RAF1: variants seen among roughly 807,000 people sequenced by gnomAD.
RAF1 encodes Raf-1 proto-oncogene, serine/threonine kinase.
Under a neutral mutation model 81.1 loss-of-function variants are expected in RAF1, and 27 were observed. The observed-to-expected ratio is 0.33, with a 90% CI of 0.25 to 0.46. The LOEUF is 0.46. Ranked by LOEUF, RAF1 falls within the 20% of genes least tolerant of loss-of-function variation. RAF1 has a pLI of 1.00. For missense variants in RAF1, 598 were observed against 826.0 expected, an observed-to-expected ratio of 0.72 and a Z score of 3.38; for synonymous variants, 298 against 294.0, an observed-to-expected ratio of 1.01 and a Z score of -0.14.
intron 1 of RAF1, among the ~76,000 whole-genome samples, chr3:12,622,033 AAG>A (rs2059570397): frequency 1.3e-5 from 2 of 152,164 alleles, no homozygotes; most frequent in African/African-American, 2.4e-5. Context: ...TTATTTCTGT[AAG>A]AGGGGATGAC....
chr3:12,599,925 A>C (rs1384111682), intron 10 of RAF1, 117 bp from the exon 10 acceptor site: 1 of 1,195,192 alleles, frequency 8.4e-7, no homozygotes, highest in African/African-American at 1.5e-5. Flanking sequence ...AGATAAACAT[A>C]TTAACCATAC....
Position 12,590,872 on chromosome 3 carries a change from G to A in RAF1, c.1356C>T (p.His452=), listed in dbSNP as rs2058492335. Residue 452 remains histidine, a synonymous_variant, in exon 13 of 18, where the codon CAC becomes CAT. Transcript: ENST00000442415. ...GAAACTTGGTCTCCTGGACATGCAG[G>A]TGTTTGTAGAGGCTGCTGCCCTCGC... 5 of 1,613,682 alleles carry A rather than the reference G, an allele frequency of 3.1e-6. No individual in the cohort carries two copies. The highest frequency in any genetic ancestry group is 2.2e-5 in the East Asian group (1 of 44,880).
intron 1 of RAF1, among the ~76,000 whole-genome samples, chr3:12,638,804 G>A (rs758379556): frequency 6.6e-6 from 1 of 152,188 alleles, no homozygotes; most frequent in Non-Finnish European, 1.5e-5. Context: ...GGGAGGCTGA[G>A]ATGGGCGGAT....
At chr3:12,599,997 C>G (rs939050384) in intron 10 of RAF1, among the ~76,000 whole-genome samples, 155 bp downstream of exon 9, 1 of 152,188 alleles carries the variant, frequency 6.6e-6, no homozygotes, top group Non-Finnish European at 1.5e-5. Flanking sequence ...CTGTCTGATG[C>G]AAGTGTGCCA....
At chr3:12,617,146 C>G (rs1212460063) in intron 2 of RAF1, among the ~76,000 whole-genome samples, 1 of 151,836 alleles carries the variant, frequency 6.6e-6, no homozygotes, top group Non-Finnish European at 1.5e-5. Context: ...ATAGTCTCAC[C>G]CTTTCGCCCA....
chr3:12,619,690 AT>A (rs1427902811), intron 1 of RAF1, among the ~76,000 whole-genome samples: 1 of 152,190 alleles, frequency 6.6e-6, no homozygotes, highest in Non-Finnish European at 1.5e-5. Context: ...TGAGCAACAC[AT>A]TAGTACTATG....
chr3:12,608,450 C>T (rs2125415285), intron 5 of RAF1: 1 of 376,014 alleles, frequency 2.7e-6, no homozygotes, highest in South Asian at 2.5e-5. Context: ...GTAGATAATA[C>T]TATTAAGAGC....
At position 12,613,403 on chromosome 3, in the gene RAF1, G is replaced by A. The variant is rs774061891; in HGVS notation, c.208-1341C>T. Among the ~76,000 whole-genome samples the A allele has an allele frequency of 7.9e-5, 12 of 151,978 alleles. No individual in the cohort carries two copies. In the East Asian group the frequency reaches 1.2e-3, roughly 15 times the overall value. ...AACAGCTGACAGCAGCCAGCCAACCGCTCCCCCACCCCGCCATCCCCCCCC... is the reference window on the plus strand; with the variant it reads ...AACAGCTGACAGCAGCCAGCCAACCACTCCCCCACCCCGCCATCCCCCCCC... On this transcript the variant is annotated intron_variant, in intron 2 of 17. Transcript: ENST00000442415.
intron 1 of RAF1, among the ~76,000 whole-genome samples, chr3:12,640,984 C>T (rs1267699046): frequency 2.0e-5 from 3 of 151,992 alleles, no homozygotes; most frequent in Admixed American, 2.0e-4. Flanking sequence ...CAATGACAGA[C>T]TGGATTAAGA....
chr3:12,603,326 A>T (rs985323489), intron 8 of RAF1, among the ~76,000 whole-genome samples: 6 of 152,220 alleles, frequency 3.9e-5, no homozygotes, highest in Admixed American at 1.3e-4. Flanking sequence ...AAAAAATTTT[A>T]AAAAGAAAGA....
rs1280521809 is a variant in RAF1, at chr3:12,618,686, G to A, written c.36C>T (p.Ser12=). 1 of 1,614,198 alleles carries A rather than the reference G, an allele frequency of 6.2e-7. No homozygotes were observed. Among genetic ancestry groups the A allele is most frequent in the Non-Finnish European group, 8.5e-7 (1 of 1,180,048 alleles). Reference sequence around the variant, plus strand: ...CGGCATCTTTGAATCCAAAACCATTGCTGATCGTCTTCCAAGCTCCCTGTA... The same window carrying A: ...CGGCATCTTTGAATCCAAAACCATTACTGATCGTCTTCCAAGCTCCCTGTA... Residue 12 remains serine (S), a synonymous_variant, in exon 2 of 18, where the codon AGC becomes AGT. Coordinates refer to ENST00000442415, the MANE Select transcript of RAF1 (RefSeq NM_001354689.3).
At chr3:12,633,674 G>A (rs1178499825) in intron 1 of RAF1, among the ~76,000 whole-genome samples, 5 of 150,534 alleles carry the variant, frequency 3.3e-5, no homozygotes, top group African/African-American at 4.9e-5. Context: ...AGTGGCTCAC[G>A]CCTGTAATCC....
intron 11 of RAF1, among the ~76,000 whole-genome samples, chr3:12,593,471 T>C (rs76521226): frequency 1.3e-3 from 190 of 150,028 alleles, no homozygotes; most frequent in African/African-American, 4.1e-3. Context: ...GGTTTTATCA[T>C]CTAAAGTTTC....
intron 3 of RAF1, 84 bp downstream of exon 3, chr3:12,611,866 A>G: frequency 1.1e-6 from 1 of 926,966 alleles, no homozygotes. Flanking sequence ...ATAGGAAGCT[A>G]GTACAATTTA....
chr3:12,659,427 C>CAAACAAAAAAAA (rs2060805331), intron 1 of RAF1, among the ~76,000 whole-genome samples: 1 of 47,682 alleles, frequency 2.1e-5, no homozygotes, highest in Non-Finnish European at 3.5e-5. Context: ...GATTTCATCT[C>CAAACAAAAAAAA]AAAAAAAAAA....
chr3:12,612,521 C>T (rs1331394150), intron 2 of RAF1, among the ~76,000 whole-genome samples: 2 of 151,766 alleles, frequency 1.3e-5, no homozygotes, highest in South Asian at 2.1e-4. Context: ...TGGTGGTGGA[C>T]GCCTGTAATC....
At chr3:12,605,031 C>G (rs998993997) in intron 6 of RAF1, among the ~76,000 whole-genome samples, 1 of 152,158 alleles carries the variant, frequency 6.6e-6, no homozygotes, top group Non-Finnish European at 1.5e-5. Context: ...AAAATGCCTT[C>G]CCACATAATC....
intron 1 of RAF1, among the ~76,000 whole-genome samples, chr3:12,645,868 C>T (rs1232112047): frequency 6.6e-6 from 1 of 152,036 alleles, no homozygotes; most frequent in Non-Finnish European, 1.5e-5. Context: ...AGCCACTGTG[C>T]CTGGCTTATT....
chr3:12,660,332 C>T (rs757626546), intron 1 of RAF1, among the ~76,000 whole-genome samples: 3 of 151,694 alleles, frequency 2.0e-5, no homozygotes, highest in Non-Finnish European at 2.9e-5. Context: ...GGTCTCACTC[C>T]ATCACCAACA....
Sources: allele counts gnomAD v4.1 joint callset (sites outside exome capture counted in the v4.1 genomes callset), GRCh38; gene constraint gnomAD v4.1.1; transcripts MANE v1.5; gene names NCBI Gene and HGNC (gene_info 2026-07-23, HGNC 2026-07-21).